Variants in KLF12 observed in about 807,000 individuals in gnomAD.
KLF12 encodes Krueppel-like factor 12.
A neutral mutation model predicts 37.8 loss-of-function variants in KLF12; 9 were observed. The ratio of observed to expected loss-of-function variants is 0.24; its 90% CI spans 0.14 to 0.42. The LOEUF is 0.42. Among genes scored for constraint, KLF12 ranks in the 10% least tolerant of loss-of-function variants. The pLI is 1.00. For missense variants in KLF12, 411 were observed against 516.0 expected, an observed-to-expected ratio of 0.80 and a Z score of 1.97; for synonymous variants, 208 against 202.1, an observed-to-expected ratio of 1.03 and a Z score of -0.25.
At chr13:74,047,536 G>C (rs1893578663) in intron 1 of KLF12, among the ~76,000 whole-genome samples, 1 of 151,714 alleles carries the variant, frequency 6.6e-6, no homozygotes, top group Non-Finnish European at 1.5e-5. Context: ...GGCAGAGCTT[G>C]CAGTGAGCCG....
At chr13:74,096,001 C>G (rs1875962829) in intron 1 of KLF12, among the ~76,000 whole-genome samples, 1 of 151,622 alleles carries the variant, frequency 6.6e-6, no homozygotes, top group African/African-American at 2.4e-5. Flanking sequence ...CACCTAGATC[C>G]CCACCATTTT....
chr13:74,234,236 GA>G, the KLF12 span, among the ~76,000 whole-genome samples: 1 of 152,092 alleles, frequency 6.6e-6, no homozygotes, highest in South Asian at 2.1e-4. Flanking sequence ...ATTACCTATA[GA>G]TAAAAATGCA....
rs186866729 is a variant in KLF12 at position 73,741,552 on chromosome 13, T to C, written c.869+23386A>G. On this transcript the variant is annotated intron_variant, in intron 6 of 7. Coordinates refer to ENST00000377669, the MANE Select transcript of KLF12 (RefSeq NM_007249.5). ...CCAATAACACATTCTCTCTGAATTC[T>C]ATAACAGTGTTTTTGAAACCACATA... Among the ~76,000 whole-genome samples the C allele has an allele frequency of 2.2e-3, 341 of 152,336 alleles. 6 individuals carry two copies. Among genetic ancestry groups the C allele is most frequent in the Non-Finnish European group, 5.6e-4 (38 of 68,032 alleles).
intron 2 of KLF12, among the ~76,000 whole-genome samples, chr13:73,977,229 G>T (rs1891553743): frequency 6.6e-6 from 1 of 151,868 alleles, no homozygotes; most frequent in Non-Finnish European, 1.5e-5. Flanking sequence ...TTTTTTTGTA[G>T]AGATGGGGTT....
At chr13:73,783,753 T>C (rs1227379303) in intron 5 of KLF12, among the ~76,000 whole-genome samples, 2 of 152,122 alleles carry the variant, frequency 1.3e-5, no homozygotes, top group African/African-American at 4.8e-5. Context: ...AATTTGGAAA[T>C]ATCTTTGCAC....
chr13:74,230,974 T>C, the KLF12 span, among the ~76,000 whole-genome samples: 1 of 152,104 alleles, frequency 6.6e-6, no homozygotes, highest in East Asian at 1.9e-4. Flanking sequence ...TAGTCATTGG[T>C]CCTCATCTTA....
intron 5 of KLF12, among the ~76,000 whole-genome samples, chr13:73,791,887 T>A (rs868844096): frequency 6.6e-5 from 10 of 152,356 alleles, no homozygotes; most frequent in Middle Eastern, 3.4e-3. Context: ...GGCATCATGC[T>A]GTAGTACTCT....
At chr13:74,230,916 G>A in the KLF12 span, among the ~76,000 whole-genome samples, 10 of 152,034 alleles carry the variant, frequency 6.6e-5, no homozygotes, top group Non-Finnish European at 1.0e-4. Context: ...AACGTTGTCT[G>A]TGCTTCAAGA....
chr13:74,042,670 TC>T (rs765536040), intron 1 of KLF12, among the ~76,000 whole-genome samples: 3 of 152,152 alleles, frequency 2.0e-5, no homozygotes, highest in Non-Finnish European at 4.4e-5. Context: ...TTAAGACAGA[TC>T]CGATAAGTAT....
intron 1 of KLF12, among the ~76,000 whole-genome samples, chr13:74,012,625 C>T (rs1385826953): frequency 6.6e-6 from 1 of 152,222 alleles, no homozygotes; most frequent in African/African-American, 2.4e-5. Context: ...CCTCTGACAA[C>T]ATTTTCATTC....
Position 74,028,224 on chromosome 13 carries a change from A to G in KLF12, c.-31-33171T>C, listed in dbSNP as rs73529175. On this transcript the variant is annotated intron_variant, in intron 1 of 7. Coordinates refer to ENST00000377669, the MANE Select transcript of KLF12 (RefSeq NM_007249.5). The stretch of plus-strand genomic sequence containing the variant: ...AACAAAAAAAGGAAAAACTGTAAGT[A>G]TAAAAAGTGCATGGAAACACGATTT... Among the ~76,000 whole-genome samples, 833 of 152,348 alleles carry G rather than the reference A, an allele frequency of 5.5e-3. 11 individuals carry two copies. Among genetic ancestry groups the G allele is most frequent in the African/African-American group, 0.019 (793 of 41,590 alleles).
At chr13:73,997,403 A>C (rs1339845597) in intron 1 of KLF12, among the ~76,000 whole-genome samples, 1 of 152,234 alleles carries the variant, frequency 6.6e-6, no homozygotes, top group African/African-American at 2.4e-5. Flanking sequence ...AATCTGTAAA[A>C]TGTTAAATGT....
intron 4 of KLF12, among the ~76,000 whole-genome samples, chr13:73,820,160 C>A (rs144758060): frequency 3.9e-4 from 60 of 152,244 alleles, no homozygotes; most frequent in African/African-American, 1.4e-3. Flanking sequence ...CTGCCTGGAG[C>A]ATAGTGGGGG....
chr13:73,860,722 C>T (rs778649411), intron 3 of KLF12, among the ~76,000 whole-genome samples: 5 of 151,818 alleles, frequency 3.3e-5, no homozygotes, highest in Non-Finnish European at 7.4e-5. Context: ...CCAGCCTGGG[C>T]GACAGAGTGA....
chr13:73,699,725 A>G (rs1032075263), intron 7 of KLF12, among the ~76,000 whole-genome samples: 1 of 152,228 alleles, frequency 6.6e-6, no homozygotes, highest in African/African-American at 2.4e-5. Context: ...GAAGGATCAG[A>G]AAGTAGAAGC....
intron 6 of KLF12, among the ~76,000 whole-genome samples, chr13:73,760,779 C>T (rs1294144903): frequency 2.6e-5 from 4 of 152,078 alleles, no homozygotes; most frequent in African/African-American, 7.2e-5. Context: ...TATCAAGCAA[C>T]GACACATGCC....
the KLF12 span, among the ~76,000 whole-genome samples, chr13:74,301,891 G>T: frequency 1.3e-5 from 2 of 152,202 alleles, no homozygotes; most frequent in East Asian, 3.9e-4. Flanking sequence ...TGACCGCCCA[G>T]CACCCTCTCC....
At chr13:73,765,842 A>T (rs1836226416) in intron 5 of KLF12, among the ~76,000 whole-genome samples, 1 of 152,104 alleles carries the variant, frequency 6.6e-6, no homozygotes, top group Non-Finnish European at 1.5e-5. Context: ...AGCTTGTATT[A>T]CCTTCACCCT....
intron 2 of KLF12, among the ~76,000 whole-genome samples, chr13:73,950,842 C>T (rs2139407059): frequency 6.6e-6 from 1 of 152,258 alleles, no homozygotes; most frequent in African/African-American, 2.4e-5. Context: ...GAAAAGGAAG[C>T]CAGAAACAAG....
Sources: allele counts gnomAD v4.1 joint callset (sites outside exome capture counted in the v4.1 genomes callset), GRCh38; gene constraint gnomAD v4.1.1; transcripts MANE v1.5; gene names NCBI Gene and HGNC (gene_info 2026-07-23, HGNC 2026-07-21).